SLC7A6OS: variants seen among roughly 807,000 people sequenced by gnomAD.
SLC7A6OS encodes the protein probable RNA polymerase II nuclear localization protein SLC7A6OS.
In SLC7A6OS, 22 loss-of-function variants were observed where a neutral mutation model predicts 34.3. The observed-to-expected ratio is 0.64, with a 90% CI of 0.46 to 0.92. The LOEUF (loss-of-function observed/expected upper bound fraction) is 0.92. SLC7A6OS is among the 40% of genes least tolerant of loss of function. The probability of loss-of-function intolerance (pLI) is 0.00; values close to 1 mark genes in which losing one functional copy is unlikely to be tolerated. For missense variants in SLC7A6OS, 434 were observed against 407.7 expected, an observed-to-expected ratio of 1.06 and a Z score of -0.56; for synonymous variants, 199 against 165.0, an observed-to-expected ratio of 1.21 and a Z score of -1.58.
chr16:68,303,291 G>A (rs1010502791), intron 3 of SLC7A6OS, among the ~76,000 whole-genome samples: 38 of 142,934 alleles, frequency 2.7e-4, no homozygotes, highest in Non-Finnish European at 5.2e-4. Context: ...AGATAATGGT[G>A]TCAGCTAGGT....
chr16:68,302,412 C>G lies in SLC7A6OS; in HGVS notation c.768G>C (p.Glu256Asp). The G allele has an allele frequency of 6.2e-7, 1 of 1,614,218 alleles. No individual in the cohort carries two copies. The highest frequency in any genetic ancestry group is 1.3e-5 in the African/African-American group (1 of 75,054). The change falls in exon 4 of 5, where the codon GAG becomes GAC. Residue 256 changes from glutamate to aspartate, a missense_variant. By Grantham distance (45) the Glu-to-Asp change is conservative. Coordinates refer to ENST00000263997, the MANE Select transcript of SLC7A6OS (RefSeq NM_032178.3). ...AATCCTCATCTCCATCACTGCTCTC[C>G]TCCTCTGGGTACTCATTGCGCCAGT... ...ENNWRNEYPE[E>D]ESSDGDEDSR...
At position 68,299,702 on chromosome 16, in the gene SLC7A6OS, T is replaced by A. The variant is rs977970117; in HGVS notation, c.*1573A>T. ...TTGTTTTTTTCACCCGGTTGCTGTATGAGAATGGCTTTCAATCCTTTGTTT... is the reference window on the plus strand; with the variant it reads ...TTGTTTTTTTCACCCGGTTGCTGTAAGAGAATGGCTTTCAATCCTTTGTTT... On this transcript the variant is annotated 3_prime_UTR_variant, in exon 5 of 5. Coordinates refer to ENST00000263997, the MANE Select transcript of SLC7A6OS (RefSeq NM_032178.3). 1.3e-5 allele frequency: 2 copies of A among 152,184 alleles called. No homozygotes were observed. The highest frequency in any genetic ancestry group is 2.9e-5 in the Non-Finnish European group (2 of 68,038). The allele number at this position is 152,184 out of a possible 1,614,324, so 9.4% of individuals were successfully genotyped here. A position where few individuals can be genotyped will look rare whatever the true frequency, so the allele number is the denominator to read the frequency against.
At chr16:68,308,026 C>T (rs1231043288) in intron 2 of SLC7A6OS, among the ~76,000 whole-genome samples, 2 of 152,108 alleles carry the variant, frequency 1.3e-5, no homozygotes, top group Non-Finnish European at 2.9e-5. Context: ...CTCAACCTCC[C>T]GAGTAGATGG....
Position 68,304,240 on chromosome 16 carries a change from G to T in SLC7A6OS, c.472-8C>A. On this transcript the variant is annotated splice_polypyrimidine_tract_variant and splice_region_variant and intron_variant, in intron 2 of 4. Coordinates refer to ENST00000263997, the MANE Select transcript of SLC7A6OS (RefSeq NM_032178.3). ...CACATCTGGGTCAGATGTCTGTAAA[G>T]AAACCACAGATTACACACACACGCA... The T allele has an allele frequency of 4.3e-6, 7 of 1,612,672 alleles. No individual in the cohort carries two copies. The highest frequency in any genetic ancestry group is 5.9e-6 in the Non-Finnish European group (7 of 1,178,702).
Position 68,310,522 on chromosome 16 carries a change from C to T in SLC7A6OS, c.284G>A (p.Arg95Gln), listed in dbSNP as rs777977189. The T allele has an allele frequency of 2.5e-6, 4 of 1,581,700 alleles. No homozygotes were observed. The highest frequency in any genetic ancestry group is 1.3e-5 in the African/African-American group (1 of 74,204). ...RVRRNLRASA[R>Q]EVRQEGRYRV... ...GTAGCGGCCCTCCTGCCGGACCTCC[C>T]GAGCCGAGGCGCGGAGATTACGGCG... Residue 95 changes from arginine to glutamine, a missense_variant, in exon 2 of 5, where the codon CGG (arginine) becomes CAG (glutamine). Arg to Gln is a conservative substitution (Grantham distance 43). Coordinates refer to ENST00000263997, the MANE Select transcript of SLC7A6OS (RefSeq NM_032178.3).
chr16:68,309,080 C>T (rs1459549080), intron 2 of SLC7A6OS, among the ~76,000 whole-genome samples: 1 of 150,604 alleles, frequency 6.6e-6, no homozygotes, highest in African/African-American at 2.4e-5. Context: ...AGAGGGCACA[C>T]TTTATGTTGA....
Position 68,306,509 on chromosome 16 carries a change from G to A in SLC7A6OS, c.472-2277C>T, listed in dbSNP as rs542670573. ...TGGCATCACAGGCATGAGCCACCGC[G>A]CCCGGCCTATTATTGCTTAAAGAGG... On this transcript the variant is annotated intron_variant, in intron 2 of 4. Transcript: ENST00000263997. 7.9e-5 allele frequency among the ~76,000 whole-genome samples: 12 copies of A among 152,062 alleles called. No homozygotes were observed. The South Asian group carries it at 1.9e-3, about 24-fold the overall frequency.
At chr16:68,308,237 A>G (rs1488160627) in intron 2 of SLC7A6OS, among the ~76,000 whole-genome samples, 3 of 152,004 alleles carry the variant, frequency 2.0e-5, no homozygotes, top group Non-Finnish European at 4.4e-5. Context: ...TCCACGGAGC[A>G]TTGGTTTACT....
At chr16:68,305,389 C>T (rs906741504) in intron 2 of SLC7A6OS, among the ~76,000 whole-genome samples, 1 of 152,158 alleles carries the variant, frequency 6.6e-6, no homozygotes, top group Non-Finnish European at 1.5e-5. Flanking sequence ...TGCAATGCCC[C>T]AGAATAGAAA....
rs1221421586 is a variant in SLC7A6OS, at chr16:68,310,872, G to C, written c.55C>G (p.Pro19Ala). 2.5e-6 allele frequency: 4 copies of C among 1,608,872 alleles called. No individual in the cohort carries two copies. Among genetic ancestry groups the C allele is most frequent in the Admixed American group, 1.7e-5 (1 of 59,606 alleles). The part of the protein sequence containing the change: ...LRVKRKRSAE[P>A]AEALVLACKR... ...CAAGCGAGCACAAGAGCCTCCGCCGGCTCCGCACTGCGCTTCCGCTTCACC... is the reference window on the plus strand; with the variant it reads ...CAAGCGAGCACAAGAGCCTCCGCCGCCTCCGCACTGCGCTTCCGCTTCACC... Residue 19 changes from proline to alanine, a missense_variant, in exon 1 of 5, where the codon CCG becomes GCG. By Grantham distance (27) the Pro-to-Ala change is conservative. Transcript: ENST00000263997.
At chr16:68,307,147 T>C (rs1223374548) in intron 2 of SLC7A6OS, among the ~76,000 whole-genome samples, 1 of 152,238 alleles carries the variant, frequency 6.6e-6, no homozygotes, top group Non-Finnish European at 1.5e-5. Context: ...TTAACCTCCA[T>C]GTATAGTGTT....
At position 68,304,221 on chromosome 16, in the gene SLC7A6OS, T is replaced by A; in HGVS notation, c.483A>T (p.Pro161=). The stretch of plus-strand genomic sequence containing the variant: ...CTACAGAATTGCAGAGGATCACATC[T>A]GGGTCAGATGTCTGTAAAGAAACCA... The part of the protein sequence containing the change: ...ASAGSCKTSD[P]DVILCNSVEL... Residue 161 remains proline (P), a synonymous_variant, in exon 3 of 5, where the codon CCA becomes CCT. Transcript: ENST00000263997. 1 of 1,614,152 alleles carries A rather than the reference T, an allele frequency of 6.2e-7. No individual in the cohort carries two copies.
intron 3 of SLC7A6OS, 54 bp from the exon 4 acceptor site, chr16:68,302,555 C>A: frequency 1.2e-6 from 2 of 1,611,256 alleles, no homozygotes; most frequent in Non-Finnish European, 1.7e-6. Flanking sequence ...AGGTTATGCT[C>A]TGGGGGAAGT....
At chr16:68,305,831 C>G (rs56372488) in intron 2 of SLC7A6OS, among the ~76,000 whole-genome samples, 118,797 of 152,170 alleles carry the variant, frequency 0.78, 47,201 homozygotes, top group African/African-American at 0.94. Flanking sequence ...AAGCCAAGGT[C>G]GGAGGAATGT....
rs569278334 is a variant in SLC7A6OS at position 68,307,050 on chromosome 16, T to C, written c.472-2818A>G. On this transcript the variant is annotated intron_variant, in intron 2 of 4. Coordinates refer to ENST00000263997, the MANE Select transcript of SLC7A6OS (RefSeq NM_032178.3). ...ACACAGCATTTTGTACTGTTAAACA[T>C]ATATATTTTCGCCCACAATCAGTTT... 9.8e-5 allele frequency among the ~76,000 whole-genome samples: 15 copies of C among 152,334 alleles called. No homozygotes were observed. In the East Asian group the frequency reaches 2.3e-3, roughly 23 times the overall value.
chr16:68,302,492 C>T lies in SLC7A6OS; in HGVS notation c.688G>A (p.Asp230Asn). 1 of 1,614,166 alleles carries T rather than the reference C, an allele frequency of 6.2e-7. No homozygotes were observed. Among genetic ancestry groups the T allele is most frequent in the Non-Finnish European group, 8.5e-7 (1 of 1,180,034 alleles). Residue 230 changes from aspartate (D) to asparagine (N), a missense_variant, in exon 4 of 5, where the codon GAT becomes AAT. By Grantham distance (23) the Asp-to-Asn change is conservative. Transcript: ENST00000263997. ...TCGTAAATGTCCTCTGGTTCTTGAT[C>T]ATCATTCACCTACACATCTCAACAC... ...YSQEWELVND[D>N]QEPEDIYDDE... is the part of the protein sequence containing the mutation.
intron 2 of SLC7A6OS, among the ~76,000 whole-genome samples, chr16:68,310,055 A>G (rs1031310210): frequency 6.6e-6 from 1 of 152,104 alleles, no homozygotes; most frequent in African/African-American, 2.4e-5. Flanking sequence ...GCCTCCTTAC[A>G]TCCCTTATCA....
At chr16:68,306,723 C>T (rs2043329440) in intron 2 of SLC7A6OS, among the ~76,000 whole-genome samples, 1 of 151,956 alleles carries the variant, frequency 6.6e-6, no homozygotes, top group Admixed American at 6.6e-5. Flanking sequence ...AACTTCAGGC[C>T]TCAAGCAATC....
rs35415837 is a variant in SLC7A6OS at position 68,302,409 on chromosome 16, C to G, written c.771G>C (p.Glu257Asp). Residue 257 changes from glutamate to aspartate, a missense_variant, in exon 4 of 5, where the codon GAG becomes GAC. Physicochemically the swap from Glu to Asp is conservative, Grantham distance 45. Coordinates refer to ENST00000263997, the MANE Select transcript of SLC7A6OS (RefSeq NM_032178.3). ...NNWRNEYPEEESSDGDEDSRG... is the reference protein window; with the variant it reads ...NNWRNEYPEEDSSDGDEDSRG... ...TGGAATCCTCATCTCCATCACTGCT[C>G]TCCTCCTCTGGGTACTCATTGCGCC... 2,486 of 1,614,216 alleles carry G rather than the reference C, an allele frequency of 1.5e-3. 35 individuals are homozygous for G. The African/African-American group carries it at 0.028, about 18-fold the overall frequency.
Sources: allele counts gnomAD v4.1 joint callset (sites outside exome capture counted in the v4.1 genomes callset), GRCh38; gene constraint gnomAD v4.1.1; transcripts MANE v1.5; gene names NCBI Gene and HGNC (gene_info 2026-07-23, HGNC 2026-07-21).